C1QBP: variants seen among roughly 807,000 people sequenced by gnomAD.
C1QBP encodes complement component 1 Q subcomponent-binding protein, mitochondrial.
A neutral mutation model predicts 29.4 loss-of-function variants in C1QBP; 24 were observed. That is an observed-to-expected ratio of 0.82 (90% confidence interval 0.59 to 1.15). The LOEUF (loss-of-function observed/expected upper bound fraction) is 1.15. C1QBP is among the 50% of genes most tolerant of loss of function. C1QBP has a pLI of 0.00. For missense variants in C1QBP, 337 were observed against 355.8 expected, an observed-to-expected ratio of 0.95 and a Z score of 0.43; for synonymous variants, 182 against 149.2, an observed-to-expected ratio of 1.22 and a Z score of -1.60.
Position 5,433,698 on chromosome 17 carries a change from C to T in C1QBP, c.547G>A (p.Val183Met), listed in dbSNP as rs1916175013. The change falls in exon 4 of 6, where the codon GTG (valine) becomes ATG (methionine). Residue 183 changes from valine to methionine, a missense_variant. Coordinates refer to ENST00000225698, the MANE Select transcript of C1QBP (RefSeq NM_001212.4). ...TCCTCTGGATAATGACAGTCCAACA[C>T]AAGGGCCTTCTTGCCATCATCATTC... ...IKNDDGKKAL[V>M]LDCHYPEDEV... The T allele has an allele frequency of 6.2e-7, 1 of 1,614,242 alleles. No individual in the cohort carries two copies. The highest frequency in any genetic ancestry group is 8.5e-7 in the Non-Finnish European group (1 of 1,180,040).
At chr17:5,438,521 C>G in intron 1 of C1QBP, 1 of 696,900 alleles carries the variant, frequency 1.4e-6, no homozygotes, top group Non-Finnish European at 2.3e-6. Flanking sequence ...GGAGAATTTC[C>G]AATCCTCTTC....
In C1QBP at chr17:5,439,100, G is replaced by T; in HGVS notation, c.-27C>A. On this transcript the variant is annotated 5_prime_UTR_variant, in exon 1 of 6. The change creates a new upstream start codon in the 5' untranslated region. Coordinates refer to ENST00000225698, the MANE Select transcript of C1QBP (RefSeq NM_001212.4). ...GCGGAAACGACTGCGAACACGTGCA[G>T]ATGCAAAGGACAACCCAGGCCTAGG... 1 of 1,540,228 alleles carries T rather than the reference G, an allele frequency of 6.5e-7. No homozygotes were observed. Among genetic ancestry groups the T allele is most frequent in the Non-Finnish European group, 8.7e-7 (1 of 1,143,070 alleles).
In C1QBP at chr17:5,433,710, T is replaced by C; in HGVS notation, c.535A>G (p.Lys179Glu). 2.5e-6 allele frequency: 4 copies of C among 1,614,218 alleles called. No homozygotes were observed. The highest frequency in any genetic ancestry group is 2.5e-6 in the Non-Finnish European group (3 of 1,180,040). ...TGACAGTCCAACACAAGGGCCTTCTTGCCATCATCATTCTTTATAACTTCA... is the reference window on the plus strand; with the variant it reads ...TGACAGTCCAACACAAGGGCCTTCTCGCCATCATCATTCTTTATAACTTCA... ...VVEVIKNDDGKKALVLDCHYP... is the reference protein window; with the variant it reads ...VVEVIKNDDGEKALVLDCHYP... Residue 179 changes from lysine to glutamate, a missense_variant, in exon 4 of 6, where the codon AAG (lysine) becomes GAG (glutamate). Lys to Glu is a moderately conservative substitution (Grantham distance 56). Transcript: ENST00000225698.
At chr17:5,433,548 C>A (rs1342120336) in intron 4 of C1QBP, 121 bp downstream of exon 4, 1 of 1,511,592 alleles carries the variant, frequency 6.6e-7, no homozygotes. Context: ...CCTCTCTCCC[C>A]CTGCTGGGCT....
rs1916132669 is a variant in C1QBP at position 5,432,991 on chromosome 17, T to C, written c.*24A>G. 1 of 1,600,498 alleles carries C rather than the reference T, an allele frequency of 6.2e-7. No individual in the cohort carries two copies. ...CACTGGCCAAAGCCTGCCATGAAAC[T>C]ATGGCTTTCAGCATCTGTCTGCTCT... On this transcript the variant is annotated 3_prime_UTR_variant, in exon 6 of 6. Coordinates refer to ENST00000225698, the MANE Select transcript of C1QBP (RefSeq NM_001212.4).
In C1QBP at chr17:5,434,464, C is replaced by CTTTTTTTTT. The variant is rs576803401; in HGVS notation, c.477+400_477+408dup. Among the ~76,000 whole-genome samples the CTTTTTTTTT allele has an allele frequency of 1.8e-4, 18 of 97,846 alleles. 1 individual carries two copies. The highest frequency in any genetic ancestry group is 1.2e-3 in the East Asian group (3 of 2,606). 64.2% of individuals were successfully genotyped at this position (97,846 alleles called of 152,430 possible). A position where few individuals can be genotyped will look rare whatever the true frequency, so the allele number is the denominator to read the frequency against. On this transcript the variant is annotated intron_variant, in intron 3 of 5. Transcript: ENST00000225698. The stretch of plus-strand genomic sequence containing the variant: ...CTTATGCCCCTGCCATTCTCTCTCT[C>CTTTTTTTTT]TTTTTTTTTTTTTTTTTTTTTTGAG...
chr17:5,434,852 C>T lies in C1QBP; in HGVS notation c.477+21G>A, dbSNP rs772265431. The T allele has an allele frequency of 1.6e-5, 25 of 1,595,608 alleles. 1 individual carries two copies. In the South Asian group the frequency reaches 2.5e-4, roughly 16 times the overall value. ...CAGCCTGTCAGAACTGAGGTAAAAG[C>T]TGATTATAGTATTAGCTTACCTCCT... On this transcript the variant is annotated intron_variant, in intron 3 of 5. Coordinates refer to ENST00000225698, the MANE Select transcript of C1QBP (RefSeq NM_001212.4).
Position 5,438,157 on chromosome 17 carries a change from C to T in C1QBP, c.349G>A (p.Glu117Lys). 6.2e-7 allele frequency: 1 copy of T among 1,612,888 alleles called. No individual in the cohort carries two copies. Among genetic ancestry groups the T allele is most frequent in the East Asian group, 2.2e-5 (1 of 44,888 alleles). The change falls in exon 2 of 6, where the codon GAA becomes AAA. Residue 117 changes from glutamate (E) to lysine (K), a missense_variant. By Grantham distance (56) the Glu-to-Lys change is moderately conservative. Transcript: ENST00000225698. ...GGWELELNGT[E>K]AKLVRKVAGE... Reference sequence around the variant, plus strand: ...GCAACTTTCCGCACTAATTTCGCTTCTGTCCCATTCAGTTCCAGCTCCCAA... The same window carrying T: ...GCAACTTTCCGCACTAATTTCGCTTTTGTCCCATTCAGTTCCAGCTCCCAA...
chr17:5,439,086 T>C lies in C1QBP; in HGVS notation c.-13A>G. ...GCAGAGGCAGCATCGCGGAAACGAC[T>C]GCGAACACGTGCAGATGCAAAGGAC... On this transcript the variant is annotated 5_prime_UTR_variant, in exon 1 of 6. Coordinates refer to ENST00000225698, the MANE Select transcript of C1QBP (RefSeq NM_001212.4). The C allele has an allele frequency of 1.3e-6, 2 of 1,540,216 alleles. No homozygotes were observed. Among genetic ancestry groups the C allele is most frequent in the Non-Finnish European group, 1.7e-6 (2 of 1,143,132 alleles).
Position 5,439,155 on chromosome 17 carries a change from C to T in C1QBP, c.-82G>A. The T allele has an allele frequency of 6.6e-7, 1 of 1,512,638 alleles. No homozygotes were observed. The highest frequency in any genetic ancestry group is 8.9e-7 in the Non-Finnish European group (1 of 1,126,890). 93.7% of individuals were successfully genotyped at this position (1,512,638 alleles called of 1,614,324 possible). ...CCGCGACCTGAGGCGCCGCCGGAAG[C>T]CCCGCCCCTGCCCGGAAGCGCTTCC... On this transcript the variant is annotated 5_prime_UTR_variant, in exon 1 of 6. Transcript: ENST00000225698.
rs745729114 is a variant in C1QBP, at chr17:5,439,042, A to C, written c.32T>G (p.Val11Gly). Reference sequence around the variant, plus strand: ...GAGGCCGGCGACGGAGGAGCCCAGCACACGGGGCACGCAGCGCAGCAGAGG... The same window carrying C: ...GAGGCCGGCGACGGAGGAGCCCAGCCCACGGGGCACGCAGCGCAGCAGAGG... MLPLLRCVPR[V>G]LGSSVAGLRA... Residue 11 changes from valine (V) to glycine (G), a missense_variant, in exon 1 of 6, where the codon GTG becomes GGG. Coordinates refer to ENST00000225698, the MANE Select transcript of C1QBP (RefSeq NM_001212.4). 3.5e-5 allele frequency: 53 copies of C among 1,526,820 alleles called. 1 individual carries two copies. The South Asian group carries it at 6.1e-4, about 18-fold the overall frequency. The allele number at this position is 1,526,820 out of a possible 1,614,324, so 94.6% of individuals were successfully genotyped here.
chr17:5,438,867 A>G lies in C1QBP; in HGVS notation c.207T>C (p.Cys69=), dbSNP rs900153589. ...CGTCGGTGTGCAGCGAGCCGCAGCC[A>G]CAGCCACAGGCGCAGGGTCCGCGAG... ...LRPRGPCACG[C]GCGSLHTDGD... The change falls in exon 1 of 6, where the codon TGT becomes TGC. Residue 69 remains cysteine (C), a synonymous_variant. Transcript: ENST00000225698. 223 of 1,545,808 alleles carry G rather than the reference A, an allele frequency of 1.4e-4. No individual in the cohort carries two copies. The highest frequency in any genetic ancestry group is 1.7e-4 in the Non-Finnish European group (198 of 1,145,658).
At chr17:5,435,023 A>T in intron 2 of C1QBP, 57 bp from the exon 3 acceptor site, 2 of 1,436,636 alleles carry the variant, frequency 1.4e-6, no homozygotes, top group Non-Finnish European at 9.8e-7. Flanking sequence ...GTTTTAACCG[A>T]GCAGGTTAAC....
Position 5,432,854 on chromosome 17 carries a change from GATA to G in C1QBP, c.*158_*160del. ...ATAATAGATTTGTACAGAAAAAAAT[GATA>G]ATAAATGAGAACACAAAACATATAA... On this transcript the variant is annotated 3_prime_UTR_variant, in exon 6 of 6. Transcript: ENST00000225698. 3 of 953,680 alleles carry G rather than the reference GATA, an allele frequency of 3.1e-6. No homozygotes were observed. Among genetic ancestry groups the G allele is most frequent in the Non-Finnish European group, 4.5e-6 (3 of 673,970 alleles). The allele number at this position is 953,680 out of a possible 1,614,324, so 59.1% of individuals were successfully genotyped here. A position where few individuals can be genotyped will look rare whatever the true frequency, so the allele number is the denominator to read the frequency against.
intron 2 of C1QBP, 99 bp from the exon 3 acceptor site, chr17:5,435,065 A>G (rs1367617487): frequency 1.9e-6 from 2 of 1,060,284 alleles, no homozygotes; most frequent in Non-Finnish European, 2.9e-6. Flanking sequence ...ACAGTTAAAA[A>G]GGCGTATTGA....
chr17:5,438,123 T>C lies in C1QBP; in HGVS notation c.383A>G (p.Lys128Arg). Residue 128 changes from lysine to arginine, a missense_variant and splice_region_variant, in exon 2 of 6, where the codon AAA (lysine) becomes AGA (arginine). Transcript: ENST00000225698. ...AKLVRKVAGE[K>R]ITVTFNINNS... ...CTGGGATCCCCAGACCAGTACTTAC[T>C]TTTCCCCGGCAACTTTCCGCACTAA... 1 of 1,612,004 alleles carries C rather than the reference T, an allele frequency of 6.2e-7. No homozygotes were observed. The highest frequency in any genetic ancestry group is 2.2e-5 in the East Asian group (1 of 44,884).
chr17:5,432,952 G>C lies in C1QBP; in HGVS notation c.*63C>G, dbSNP rs887633571. The C allele has an allele frequency of 3.9e-6, 6 of 1,532,982 alleles. No homozygotes were observed. The African/African-American group carries it at 6.9e-5, about 18-fold the overall frequency. 95.0% of individuals were successfully genotyped at this position (1,532,982 alleles called of 1,614,324 possible). A position where few individuals can be genotyped will look rare whatever the true frequency, so the allele number is the denominator to read the frequency against. Reference sequence around the variant, plus strand: ...ATTTCAAAGCACATGTCTAGCTTCAGAGTAGGATTTGTTCACTGGCCAAAG... The same window carrying C: ...ATTTCAAAGCACATGTCTAGCTTCACAGTAGGATTTGTTCACTGGCCAAAG... On this transcript the variant is annotated 3_prime_UTR_variant, in exon 6 of 6. Transcript: ENST00000225698.
chr17:5,438,639 A>C (rs983653324), intron 1 of C1QBP: 3 of 1,117,476 alleles, frequency 2.7e-6, no homozygotes, highest in Non-Finnish European at 3.7e-6. Context: ...CTAGTATTTA[A>C]TTTTATTCAC....
intron 2 of C1QBP, among the ~76,000 whole-genome samples, chr17:5,435,282 G>A (rs1916239614): frequency 2.6e-5 from 4 of 152,194 alleles, no homozygotes; most frequent in African/African-American, 9.6e-5. Context: ...AGGGCTCACT[G>A]CCATGTGCTG....
Sources: gnomAD v4.1 joint callset for allele counts (sites outside exome capture counted in the v4.1 genomes callset) on GRCh38, gnomAD v4.1.1 for gene constraint, MANE v1.5 for transcripts, NCBI Gene and HGNC (gene_info 2026-07-23, HGNC 2026-07-21) for gene names.